The following SCLT1 variants were observed in gnomAD, a reference collection of about 807,000 sequenced individuals.
SCLT1 encodes the protein sodium channel-associated protein 1.
In SCLT1, 78 loss-of-function variants were observed where a neutral mutation model predicts 112.8. That is an observed-to-expected ratio of 0.69 (90% CI 0.58 to 0.83). The LOEUF is 0.83. SCLT1 is among the 40% of genes least tolerant of loss of function. The pLI is 0.00. For missense variants in SCLT1, 747 were observed against 770.4 expected (o/e 0.97, Z 0.36); for synonymous variants, 257 against 254.7 (o/e 1.01, Z -0.09).
intron 9 of SCLT1, among the ~76,000 whole-genome samples, chr4:128,986,246 C>T (rs1742082717): frequency 6.6e-6 from 1 of 152,086 alleles, no homozygotes; most frequent in Admixed American, 6.5e-5. Flanking sequence ...ACAACATAGG[C>T]TAGAATTCCA....
At chr4:128,925,578 C>G (rs535865255) in intron 18 of SCLT1, among the ~76,000 whole-genome samples, 1 of 152,224 alleles carries the variant, frequency 6.6e-6, no homozygotes, top group South Asian at 2.1e-4. Context: ...CTTGCCTTGG[C>G]CTCCCAAAGT....
At chr4:129,058,223 C>T (rs773582654) in intron 2 of SCLT1, among the ~76,000 whole-genome samples, 4 of 151,842 alleles carry the variant, frequency 2.6e-5, no homozygotes, top group Non-Finnish European at 5.9e-5. Context: ...CAATTTTGTC[C>T]ATTTCTACTC....
chr4:128,886,836 T>A (rs1560801011), intron 20 of SCLT1, among the ~76,000 whole-genome samples: 1 of 152,224 alleles, frequency 6.6e-6, no homozygotes, highest in Non-Finnish European at 1.5e-5. Context: ...ACTGGTTATA[T>A]AATTAATGTC....
At chr4:129,006,191 AT>A (rs1486685973) in intron 5 of SCLT1, among the ~76,000 whole-genome samples, 2 of 152,160 alleles carry the variant, frequency 1.3e-5, no homozygotes, top group East Asian at 3.9e-4. Flanking sequence ...TAATAAAAAA[AT>A]GTAGTTATAA....
intron 18 of SCLT1, among the ~76,000 whole-genome samples, chr4:128,935,726 A>G (rs1737128722): frequency 6.6e-6 from 1 of 151,796 alleles, no homozygotes; most frequent in Non-Finnish European, 1.5e-5. Flanking sequence ...ATTTCTCTGG[A>G]TATGCTTTCT....
intron 18 of SCLT1, among the ~76,000 whole-genome samples, chr4:128,917,441 C>T (rs1010851983): frequency 2.6e-5 from 4 of 152,068 alleles, no homozygotes; most frequent in African/African-American, 9.7e-5. Context: ...TGATACTAAT[C>T]CCCAGCAATA....
chr4:128,900,872 C>G (rs1270064734), intron 18 of SCLT1, among the ~76,000 whole-genome samples: 1 of 152,120 alleles, frequency 6.6e-6, no homozygotes, highest in Non-Finnish European at 1.5e-5. Context: ...AGGACATGAA[C>G]AGACACTTCT....
At chr4:128,885,519 T>C (rs1242927892) in intron 20 of SCLT1, among the ~76,000 whole-genome samples, 1 of 152,236 alleles carries the variant, frequency 6.6e-6, no homozygotes, top group East Asian at 1.9e-4. Flanking sequence ...TATACTTTAT[T>C]CCTCTTAATA....
At chr4:128,959,166 C>T (rs569447929) in intron 12 of SCLT1, among the ~76,000 whole-genome samples, 1 of 152,198 alleles carries the variant, frequency 6.6e-6, no homozygotes, top group Non-Finnish European at 1.5e-5. Flanking sequence ...TGACATGAAG[C>T]CTTCAGTAAA....
intron 20 of SCLT1, among the ~76,000 whole-genome samples, chr4:128,886,000 C>T (rs1405900103): frequency 6.6e-6 from 1 of 152,036 alleles, no homozygotes; most frequent in Non-Finnish European, 1.5e-5. Flanking sequence ...GTGTTTAGGG[C>T]ATTAGCCTTT....
At chr4:128,981,710 GAAT>G (rs1256765410) in intron 9 of SCLT1, among the ~76,000 whole-genome samples, 1 of 135,176 alleles carries the variant, frequency 7.4e-6, no homozygotes, top group Non-Finnish European at 1.6e-5. Context: ...AGACTGATTT[GAAT>G]AATAATAAAA....
chr4:128,881,793 G>A (rs318501), downstream of SCLT1, among the ~76,000 whole-genome samples: 37,494 of 151,988 alleles, frequency 0.25, 6,253 homozygotes, highest in African/African-American at 0.47. Flanking sequence ...TTTTTACATT[G>A]GAAATTATTA....
intron 4 of SCLT1, chr4:129,039,880 A>C: frequency 3.6e-6 from 1 of 275,276 alleles, no homozygotes. Flanking sequence ...TGAATGAGCA[A>C]ATGGAGAGTG....
intron 4 of SCLT1, among the ~76,000 whole-genome samples, chr4:129,040,802 A>AATCAATCACATCTATCTGAGCAACC (rs1294381682): frequency 9.2e-5 from 14 of 152,180 alleles, no homozygotes; most frequent in African/African-American, 2.9e-4. Flanking sequence ...TAATCCTTCT[A>AATCAATCACATCTATCTGAGCAACC]ATCAATCACA....
rs58952520 is a variant in SCLT1 at position 128,970,734 on chromosome 4, G to A, written c.687-266C>T. On this transcript the variant is annotated intron_variant, in intron 9 of 20. Transcript: ENST00000281142. ...GGTAAATTATATTATATACCAAAGT[G>A]ATTCAATAAGTTTCTTGAAAAAGCA... 6.7e-3 allele frequency: 1,879 copies of A among 282,388 alleles called. 18 individuals are homozygous for A. Among genetic ancestry groups the A allele is most frequent in the African/African-American group, 0.027 (1,236 of 45,332 alleles). The allele number at this position is 282,388 out of a possible 1,614,324, so 17.5% of individuals were successfully genotyped here.
At chr4:129,005,592 G>T (rs1009881737) in intron 5 of SCLT1, among the ~76,000 whole-genome samples, 17 of 152,182 alleles carry the variant, frequency 1.1e-4, no homozygotes, top group Admixed American at 8.5e-4. Context: ...TTCAACTATT[G>T]TGGAAGTCAG....
rs187029672 is a variant in SCLT1, at chr4:128,948,792, C to T, written c.1219-222G>A. Reference sequence around the variant, plus strand: ...AGGATGCCAAGGAGTTCTAATTAAACAGACTGAGGTTGGGGGATTCCAGGG... The same window carrying T: ...AGGATGCCAAGGAGTTCTAATTAAATAGACTGAGGTTGGGGGATTCCAGGG... On this transcript the variant is annotated intron_variant, in intron 14 of 20. Coordinates refer to ENST00000281142, the MANE Select transcript of SCLT1 (RefSeq NM_144643.4). Among the ~76,000 whole-genome samples, 28 of 152,282 alleles carry T rather than the reference C, an allele frequency of 1.8e-4. No homozygotes were observed. In the East Asian group the frequency reaches 4.6e-3, roughly 25 times the overall value.
At chr4:128,883,217 T>G (rs968876512), downstream of SCLT1, among the ~76,000 whole-genome samples, 2 of 143,264 alleles carry the variant, frequency 1.4e-5, no homozygotes, top group Non-Finnish European at 3.0e-5. Flanking sequence ...GGGAGGATTA[T>G]ATATTGACAG....
At chr4:129,089,912 AGGTGACG>A (rs1201021598) in intron 1 of SCLT1, among the ~76,000 whole-genome samples, 2 of 152,164 alleles carry the variant, frequency 1.3e-5, no homozygotes, top group Non-Finnish European at 2.9e-5. Flanking sequence ...TACCTAATGC[AGGTGACG>A]GGTTGATGGG....
Sources: allele counts gnomAD v4.1 joint callset (sites outside exome capture counted in the v4.1 genomes callset), GRCh38; gene constraint gnomAD v4.1.1; transcripts MANE v1.5; gene names NCBI Gene and HGNC (gene_info 2026-07-23, HGNC 2026-07-21).